The following CCDC192 variants were observed in gnomAD, a reference collection of about 807,000 sequenced individuals.
The protein encoded by CCDC192 is coiled-coil domain-containing protein 192.
intron 6 of CCDC192, among the ~76,000 whole-genome samples, chr5:127,932,355 C>G (rs935187169): frequency 6.6e-6 from 1 of 151,912 alleles, no homozygotes; most frequent in African/African-American, 2.4e-5. Context: ...CAGGCATGCG[C>G]CACCACGCCC....
In CCDC192 at chr5:127,885,944, G is replaced by T. The variant is rs116035406; in HGVS notation, c.535+10283G>T. On this transcript the variant is annotated intron_variant, in intron 6 of 6. Coordinates refer to ENST00000514853, the MANE Select transcript of CCDC192 (RefSeq NM_001317938.2). The stretch of plus-strand genomic sequence containing the variant: ...AAGCCATAATTTGATATTTGCCAAA[G>T]AACATATGATTAAAAAGAAGAAATG... Among the ~76,000 whole-genome samples, 585 of 152,166 alleles carry T rather than the reference G, an allele frequency of 3.8e-3. 3 individuals are homozygous for T. The highest frequency in any genetic ancestry group is 0.013 in the African/African-American group (552 of 41,506).
chr5:127,765,883 C>T (rs1755194029), intron 3 of CCDC192, among the ~76,000 whole-genome samples: 1 of 152,136 alleles, frequency 6.6e-6, no homozygotes, highest in Non-Finnish European at 1.5e-5. Context: ...AAGGAGTTGT[C>T]CATATTATGG....
chr5:127,932,506 C>T (rs181295572), intron 6 of CCDC192, among the ~76,000 whole-genome samples: 5 of 152,196 alleles, frequency 3.3e-5, no homozygotes, highest in Admixed American at 2.0e-4. Flanking sequence ...GCCCGGCCAC[C>T]AGTTTATTTT....
intron 5 of CCDC192, among the ~76,000 whole-genome samples, chr5:127,862,683 AAAG>A (rs1368744220): frequency 6.6e-6 from 1 of 152,232 alleles, no homozygotes; most frequent in Non-Finnish European, 1.5e-5. Context: ...TAGAAGATTG[AAAG>A]AAGTTCACCA....
intron 3 of CCDC192, among the ~76,000 whole-genome samples, chr5:127,771,951 C>T (rs1164894173): frequency 6.6e-6 from 1 of 152,132 alleles, no homozygotes; most frequent in Non-Finnish European, 1.5e-5. Context: ...TCCCAGGTTC[C>T]ACACAGGAAG....
intron 2 of CCDC192, among the ~76,000 whole-genome samples, chr5:127,741,195 G>A (rs1175261459): frequency 6.6e-6 from 1 of 151,914 alleles, no homozygotes; most frequent in Non-Finnish European, 1.5e-5. Flanking sequence ...CAAGTAGCTG[G>A]GACTGCAGGC....
chr5:127,791,280 T>C (rs970987430), intron 3 of CCDC192, among the ~76,000 whole-genome samples: 4 of 152,252 alleles, frequency 2.6e-5, no homozygotes, highest in African/African-American at 9.6e-5. Context: ...ACTATAAAGT[T>C]ATTGCAATAT....
At position 127,847,570 on chromosome 5, in the gene CCDC192, G is replaced by A. The variant is rs182551449; in HGVS notation, c.412-27968G>A. Among the ~76,000 whole-genome samples the A allele has an allele frequency of 1.1e-3, 164 of 152,164 alleles. 1 individual carries two copies. Among genetic ancestry groups the A allele is most frequent in the African/African-American group, 3.6e-3 (148 of 41,532 alleles). ...AAAATAGCTATATGTCATTTTGTACGTTTCTGATTGGCAAAATATAAAAGT... is the reference window on the plus strand; with the variant it reads ...AAAATAGCTATATGTCATTTTGTACATTTCTGATTGGCAAAATATAAAAGT... On this transcript the variant is annotated intron_variant, in intron 5 of 6. Coordinates refer to ENST00000514853, the MANE Select transcript of CCDC192 (RefSeq NM_001317938.2).
At chr5:127,937,537 C>G (rs1754219903) in intron 6 of CCDC192, among the ~76,000 whole-genome samples, 1 of 152,192 alleles carries the variant, frequency 6.6e-6, no homozygotes. Flanking sequence ...GAGTCCTCAC[C>G]AGAACCTGAC....
At chr5:127,848,026 G>A in intron 5 of CCDC192, among the ~76,000 whole-genome samples, 1 of 151,814 alleles carries the variant, frequency 6.6e-6, no homozygotes, top group East Asian at 2.0e-4. Flanking sequence ...TCAAACTCCT[G>A]ACCTCAAGTG....
rs374229874 is a variant in CCDC192, at chr5:127,891,172, C to G, written c.535+15511C>G. On this transcript the variant is annotated intron_variant, in intron 6 of 6. Coordinates refer to ENST00000514853, the MANE Select transcript of CCDC192 (RefSeq NM_001317938.2). ...GTTCAAGCAGTTCTCCTTGTCTCAG[C>G]CTCCAGAGTAGCTGGGATTACAGGT... Among the ~76,000 whole-genome samples the G allele has an allele frequency of 1.5e-3, 234 of 152,328 alleles. 2 individuals are homozygous for G. The highest frequency in any genetic ancestry group is 5.3e-3 in the African/African-American group (222 of 41,566).
intron 2 of CCDC192, among the ~76,000 whole-genome samples, chr5:127,727,573 C>A (rs1752404649): frequency 1.3e-5 from 2 of 152,124 alleles, no homozygotes; most frequent in Non-Finnish European, 2.9e-5. Context: ...AAGTCAGCAG[C>A]CTCAAAGATC....
At chr5:127,738,904 C>A (rs993783169) in intron 2 of CCDC192, among the ~76,000 whole-genome samples, 2 of 151,650 alleles carry the variant, frequency 1.3e-5, no homozygotes, top group East Asian at 3.9e-4. Context: ...GTAATTTGAT[C>A]GTCTGAAGCC....
At chr5:127,892,061 A>G (rs1752748069) in intron 6 of CCDC192, among the ~76,000 whole-genome samples, 1 of 152,206 alleles carries the variant, frequency 6.6e-6, no homozygotes, top group Admixed American at 6.5e-5. Context: ...TTATCAGAGT[A>G]CTATTAACAG....
At chr5:127,778,515 T>C (rs1054469529) in intron 3 of CCDC192, among the ~76,000 whole-genome samples, 5 of 152,202 alleles carry the variant, frequency 3.3e-5, no homozygotes, top group Non-Finnish European at 5.9e-5. Context: ...TCCAGTTTGC[T>C]AGTATTGTGT....
At chr5:127,902,615 T>G (rs144577965) in intron 6 of CCDC192, among the ~76,000 whole-genome samples, 1 of 152,240 alleles carries the variant, frequency 6.6e-6, no homozygotes, top group Non-Finnish European at 1.5e-5. Flanking sequence ...GATGTTGGAC[T>G]AGCCTTCAGC....
Position 127,912,419 on chromosome 5 carries a change from C to CAAAAAAAAAAAAAAAAA in CCDC192, c.536-28758_536-28742dup, listed in dbSNP as rs60854127. Among the ~76,000 whole-genome samples, 29 of 81,434 alleles carry CAAAAAAAAAAAAAAAAA rather than the reference C, an allele frequency of 3.6e-4. 1 individual carries two copies. Among genetic ancestry groups the CAAAAAAAAAAAAAAAAA allele is most frequent in the African/African-American group, 7.1e-4 (14 of 19,820 alleles). The allele number at this position is 81,434 out of a possible 152,430, so 53.4% of individuals were successfully genotyped here. A position where few individuals can be genotyped will look rare whatever the true frequency, so the allele number is the denominator to read the frequency against. On this transcript the variant is annotated intron_variant, in intron 6 of 6. Coordinates refer to ENST00000514853, the MANE Select transcript of CCDC192 (RefSeq NM_001317938.2). ...AGTGAGAATAGATTCCTGGGTTTAG[C>CAAAAAAAAAAAAAAAAA]AAAAAAAAAAAAAAAAAAAAATGAA... is the stretch of plus-strand genomic sequence containing the variant.
At chr5:127,793,801 C>T (rs1336379910) in intron 3 of CCDC192, among the ~76,000 whole-genome samples, 1 of 152,086 alleles carries the variant, frequency 6.6e-6, no homozygotes, top group East Asian at 1.9e-4. Context: ...ACTTTTCTTA[C>T]TTGTGGTCAA....
intron 6 of CCDC192, among the ~76,000 whole-genome samples, chr5:127,880,777 C>T (rs1402839384): frequency 2.0e-5 from 3 of 151,850 alleles, no homozygotes; most frequent in South Asian, 2.1e-4. Context: ...ATCAGGAGTT[C>T]GAGACCAGCC....
Sources: allele counts gnomAD v4.1 joint callset (sites outside exome capture counted in the v4.1 genomes callset), GRCh38; gene constraint gnomAD v4.1.1; transcripts MANE v1.5; gene names NCBI Gene and HGNC (gene_info 2026-07-23, HGNC 2026-07-21).